SCAPER: variants seen among roughly 807,000 people sequenced by gnomAD.
SCAPER encodes the protein S phase cyclin A-associated protein in the endoplasmic reticulum.
In SCAPER, 98 loss-of-function variants were observed where a neutral mutation model predicts 182.2. The observed-to-expected ratio is 0.54, with a 90% CI of 0.46 to 0.64. The LOEUF is 0.64. Among genes scored for constraint, SCAPER ranks in the 30% least tolerant of loss-of-function variants. SCAPER has a pLI of 0.00. For missense variants in SCAPER, 1,432 were observed against 1,690.0 expected, an observed-to-expected ratio of 0.85 and a Z score of 2.68; for synonymous variants, 605 against 564.6, an observed-to-expected ratio of 1.07 and a Z score of -1.01.
At chr15:76,652,257 A>T (rs1370355921) in intron 21 of SCAPER, among the ~76,000 whole-genome samples, 1 of 8,734 alleles carries the variant, frequency 1.1e-4, no homozygotes, top group Non-Finnish European at 2.1e-4. Context: ...TGTCTCTGCT[A>T]AAAAAAAAAA....
At chr15:76,857,133 T>C (rs2071454901) in intron 4 of SCAPER, among the ~76,000 whole-genome samples, 1 of 151,962 alleles carries the variant, frequency 6.6e-6, no homozygotes, top group African/African-American at 2.4e-5. Flanking sequence ...GCATAAACTG[T>C]GGAAATTAAC....
intron 23 of SCAPER, among the ~76,000 whole-genome samples, chr15:76,573,134 G>A (rs1262466429): frequency 6.6e-6 from 1 of 152,024 alleles, no homozygotes; most frequent in Non-Finnish European, 1.5e-5. Flanking sequence ...TCAAAGCCAA[G>A]TAACATTATT....
intron 29 of SCAPER, among the ~76,000 whole-genome samples, chr15:76,356,014 GC>G (rs1197106850): frequency 2.6e-5 from 4 of 152,210 alleles, no homozygotes; most frequent in Non-Finnish European, 4.4e-5. Context: ...ACTTAACCAG[GC>G]TACAGGTAAG....
intron 23 of SCAPER, among the ~76,000 whole-genome samples, chr15:76,561,045 C>T (rs2046579530): frequency 6.6e-6 from 1 of 151,926 alleles, no homozygotes; most frequent in Non-Finnish European, 1.5e-5. Flanking sequence ...TCATTATTTC[C>T]GAGAACCCAG....
chr15:76,669,124 C>T (rs536242251), intron 20 of SCAPER, among the ~76,000 whole-genome samples: 3 of 152,194 alleles, frequency 2.0e-5, no homozygotes, highest in East Asian at 1.9e-4. Flanking sequence ...ACATTCTTGA[C>T]TACTACCTTA....
intron 22 of SCAPER, among the ~76,000 whole-genome samples, chr15:76,579,520 C>A (rs756811830): frequency 6.8e-6 from 1 of 147,028 alleles, no homozygotes; most frequent in Non-Finnish European, 1.5e-5. Flanking sequence ...AAACCAAAAA[C>A]CACACAAAAG....
intron 21 of SCAPER, among the ~76,000 whole-genome samples, chr15:76,663,188 A>G (rs1184886123): frequency 6.6e-6 from 1 of 152,132 alleles, no homozygotes; most frequent in African/African-American, 2.4e-5. Flanking sequence ...GATGATCAAT[A>G]TATGTGTTAG....
intron 17 of SCAPER, among the ~76,000 whole-genome samples, chr15:76,711,390 G>C (rs1416952604): frequency 6.6e-6 from 1 of 152,060 alleles, no homozygotes; most frequent in Non-Finnish European, 1.5e-5. Flanking sequence ...CACCAGAGAA[G>C]ACATATGAAC....
At chr15:76,758,749 T>C (rs1174248335) in intron 14 of SCAPER, among the ~76,000 whole-genome samples, 1 of 152,208 alleles carries the variant, frequency 6.6e-6, no homozygotes, top group Non-Finnish European at 1.5e-5. Context: ...CTTGCTGCTT[T>C]AAATTTTCTT....
At chr15:76,689,934 A>C (rs1188801558) in intron 20 of SCAPER, among the ~76,000 whole-genome samples, 1 of 143,950 alleles carries the variant, frequency 6.9e-6, no homozygotes, top group East Asian at 2.1e-4. Context: ...GTAAAAAAAA[A>C]AAAAGTCCAT....
intron 24 of SCAPER, among the ~76,000 whole-genome samples, chr15:76,495,982 C>T (rs1417477734): frequency 1.1e-5 from 1 of 90,338 alleles, no homozygotes; most frequent in African/African-American, 4.8e-5. Flanking sequence ...AGAAAGAAAG[C>T]AAAAGAGAGA....
In SCAPER at chr15:76,726,156, A is replaced by ATATTTAT. The variant is rs56986282; in HGVS notation, c.2165+2438_2165+2439insATAAATA. On this transcript the variant is annotated intron_variant, in intron 17 of 31. Coordinates refer to ENST00000563290, the MANE Select transcript of SCAPER (RefSeq NM_020843.4). ...ATATATATATATATATATATATATAAAAAACTCTATAACCCAACAAGAAAA... is the reference window on the plus strand; with the variant it reads ...ATATATATATATATATATATATATAATATTTATAAAACTCTATAACCCAACAAGAAAA... Among the ~76,000 whole-genome samples the ATATTTAT allele has an allele frequency of 4.3e-4, 34 of 79,722 alleles. 3 individuals are homozygous for ATATTTAT. The highest frequency in any genetic ancestry group is 1.6e-3 in the African/African-American group (30 of 19,328). 52.3% of individuals were successfully genotyped at this position (79,722 alleles called of 152,430 possible).
At chr15:76,384,071 CG>C (rs1422392856) in intron 27 of SCAPER, among the ~76,000 whole-genome samples, 3 of 152,170 alleles carry the variant, frequency 2.0e-5, no homozygotes, top group Non-Finnish European at 4.4e-5. Flanking sequence ...TGACTAGAGA[CG>C]TGAGTAGAGA....
chr15:76,362,007 G>GT (rs1337095847), intron 29 of SCAPER, among the ~76,000 whole-genome samples: 1 of 151,034 alleles, frequency 6.6e-6, no homozygotes, highest in Admixed American at 6.6e-5. Flanking sequence ...GAGTTTCACT[G>GT]TTTTTGCCCA....
At chr15:76,692,446 T>C (rs1252979533) in intron 20 of SCAPER, among the ~76,000 whole-genome samples, 2 of 152,112 alleles carry the variant, frequency 1.3e-5, no homozygotes, top group African/African-American at 2.4e-5. Flanking sequence ...CCCAGTACTT[T>C]GGGAGGCTGA....
Position 76,799,277 on chromosome 15 carries a change from A to T in SCAPER, c.611+971T>A, listed in dbSNP as rs7164979. ...TCCATGTCCTAAAAGCTAAACTATA[A>T]TCTCCTGGAATTTTTTTTTTTTTTT... On this transcript the variant is annotated intron_variant, in intron 7 of 31. Transcript: ENST00000563290. 8.3e-3 allele frequency among the ~76,000 whole-genome samples: 1,205 copies of T among 145,402 alleles called. 12 individuals carry two copies. The highest frequency in any genetic ancestry group is 0.028 in the African/African-American group (1,141 of 40,408).
chr15:76,754,803 T>G (rs1248677601), intron 14 of SCAPER, among the ~76,000 whole-genome samples: 1 of 152,102 alleles, frequency 6.6e-6, no homozygotes, highest in Non-Finnish European at 1.5e-5. Context: ...AAGCCTTAGC[T>G]CTGCAAATTA....
intron 20 of SCAPER, among the ~76,000 whole-genome samples, chr15:76,670,103 C>G (rs1250322695): frequency 6.6e-6 from 1 of 151,948 alleles, no homozygotes; most frequent in East Asian, 1.9e-4. Context: ...AATCTCAAAC[C>G]AGAGACAAAT....
intron 1 of SCAPER, among the ~76,000 whole-genome samples, chr15:76,888,704 G>A (rs1057114906): frequency 6.6e-6 from 1 of 152,192 alleles, no homozygotes; most frequent in Non-Finnish European, 1.5e-5. Context: ...CGTCTGACTG[G>A]TGTACCTGAA....
Sources: gnomAD v4.1 joint callset for allele counts (sites outside exome capture counted in the v4.1 genomes callset) on GRCh38, gnomAD v4.1.1 for gene constraint, MANE v1.5 for transcripts, NCBI Gene and HGNC (gene_info 2026-07-23, HGNC 2026-07-21) for gene names.